Variants in CACNA2D1 observed in about 807,000 individuals in gnomAD.
CACNA2D1 encodes the protein calcium voltage-gated channel auxiliary subunit alpha2delta 1.
A neutral mutation model predicts 171.5 loss-of-function variants in CACNA2D1; 53 were observed. The ratio of observed to expected loss-of-function variants is 0.31; its 90% CI spans 0.25 to 0.39. The LOEUF (loss-of-function observed/expected upper bound fraction) is 0.39, where lower values mean the gene tolerates loss of function less well. Ranked by LOEUF, CACNA2D1 falls within the 10% of genes least tolerant of loss-of-function variation. The pLI is 1.00. For missense variants in CACNA2D1, 903 were observed against 1,299.8 expected, an observed-to-expected ratio of 0.69 and a Z score of 4.69; for synonymous variants, 442 against 443.1, an observed-to-expected ratio of 1.00 and a Z score of 0.03.
intron 3 of CACNA2D1, among the ~76,000 whole-genome samples, chr7:82,217,638 A>G (rs896777992): frequency 7.6e-6 from 1 of 132,196 alleles, no homozygotes; most frequent in African/African-American, 2.7e-5. Context: ...ACAGTTTCAC[A>G]CACACACACA....
chr7:82,427,419 A>C (rs1454083919), intron 1 of CACNA2D1, among the ~76,000 whole-genome samples: 1 of 152,226 alleles, frequency 6.6e-6, no homozygotes, highest in African/African-American at 2.4e-5. Context: ...ATAGGAGGTG[A>C]GCAATTATGT....
chr7:82,443,748 C>G lies in CACNA2D1; in HGVS notation c.-289G>C, dbSNP rs1047197304. On this transcript the variant is annotated 5_prime_UTR_variant, in exon 1 of 39. Transcript: ENST00000356860. ...GGGCGACTTTGGAAACAGACCTCGG[C>G]GAGCCCGCCGGCGCTCGCGCGCTCT... 4 of 1,197,100 alleles carry G rather than the reference C, an allele frequency of 3.3e-6. No homozygotes were observed. The African/African-American group carries it at 4.7e-5, about 14-fold the overall frequency. The allele number at this position is 1,197,100 out of a possible 1,614,324, so 74.2% of individuals were successfully genotyped here.
At chr7:82,337,083 A>T (rs953714224) in intron 2 of CACNA2D1, among the ~76,000 whole-genome samples, 1 of 152,160 alleles carries the variant, frequency 6.6e-6, no homozygotes, top group African/African-American at 2.4e-5. Context: ...CAAGCATATA[A>T]GTATCTTCTC....
intron 1 of CACNA2D1, among the ~76,000 whole-genome samples, chr7:82,434,548 C>T (rs1404807245): frequency 1.3e-5 from 2 of 152,076 alleles, no homozygotes; most frequent in Admixed American, 1.3e-4. Flanking sequence ...TGAAAGGTCC[C>T]AGTGTGTGTT....
At chr7:82,412,108 A>G (rs1827734832) in intron 1 of CACNA2D1, among the ~76,000 whole-genome samples, 1 of 152,078 alleles carries the variant, frequency 6.6e-6, no homozygotes, top group Non-Finnish European at 1.5e-5. Flanking sequence ...ATATACTTCA[A>G]AACATCAGGT....
At chr7:81,989,839 AAAG>A (rs1797347325) in intron 21 of CACNA2D1, among the ~76,000 whole-genome samples, 2 of 152,210 alleles carry the variant, frequency 1.3e-5, no homozygotes, top group East Asian at 1.9e-4. Context: ...TCTGCTAAAT[AAAG>A]AAGGGCACAA....
intron 1 of CACNA2D1, among the ~76,000 whole-genome samples, chr7:82,361,872 T>C (rs981679222): frequency 2.6e-5 from 4 of 152,184 alleles, no homozygotes; most frequent in African/African-American, 7.2e-5. Flanking sequence ...AATGTCAAGA[T>C]GGTTACTGGA....
chr7:81,967,455 T>G (rs1403424629), intron 30 of CACNA2D1, 141 bp downstream of exon 30: 3 of 649,090 alleles, frequency 4.6e-6, no homozygotes, highest in East Asian at 2.8e-5. Context: ...AAAAAAGCTT[T>G]GAAAAAATAG....
At chr7:82,096,952 T>G (rs551404463) in intron 6 of CACNA2D1, among the ~76,000 whole-genome samples, 3 of 152,136 alleles carry the variant, frequency 2.0e-5, no homozygotes, top group Admixed American at 1.3e-4. Context: ...AAATCAAATT[T>G]TGCTTTGCAT....
intron 11 of CACNA2D1, among the ~76,000 whole-genome samples, chr7:82,037,420 A>G (rs1045223929): frequency 2.0e-5 from 3 of 152,276 alleles, no homozygotes; most frequent in African/African-American, 7.2e-5. Flanking sequence ...CGGAGGTTGC[A>G]ACGAGCCAAG....
intron 6 of CACNA2D1, among the ~76,000 whole-genome samples, chr7:82,107,950 T>C (rs1021056288): frequency 5.3e-5 from 8 of 152,184 alleles, no homozygotes; most frequent in Non-Finnish European, 1.0e-4. Context: ...TAGATCATTT[T>C]GTTATTTTGA....
intron 4 of CACNA2D1, among the ~76,000 whole-genome samples, chr7:82,138,292 G>T (rs1349374259): frequency 1.3e-5 from 2 of 151,986 alleles, no homozygotes; most frequent in Non-Finnish European, 2.9e-5. Flanking sequence ...AATAGAGACT[G>T]AAACCCATGA....
intron 3 of CACNA2D1, among the ~76,000 whole-genome samples, chr7:82,287,924 G>A (rs964810265): frequency 2.0e-5 from 3 of 151,372 alleles, no homozygotes; most frequent in African/African-American, 2.4e-5. Flanking sequence ...TCCGCCTCCC[G>A]GGTTTACACC....
intron 2 of CACNA2D1, among the ~76,000 whole-genome samples, chr7:82,344,697 A>T (rs1819047899): frequency 6.6e-6 from 1 of 152,164 alleles, no homozygotes; most frequent in Admixed American, 6.6e-5. Flanking sequence ...CTGCAGTCAA[A>T]ATAGATTTCT....
intron 3 of CACNA2D1, among the ~76,000 whole-genome samples, chr7:82,213,812 G>A (rs1800814696): frequency 6.6e-6 from 1 of 151,982 alleles, no homozygotes; most frequent in African/African-American, 2.4e-5. Context: ...ACACTGTTCT[G>A]TGTACCTGGA....
chr7:82,398,022 A>C (rs191596638), intron 1 of CACNA2D1, among the ~76,000 whole-genome samples: 1 of 152,332 alleles, frequency 6.6e-6, no homozygotes, highest in Admixed American at 6.5e-5. Flanking sequence ...AGATGAAGAG[A>C]GTGGCTAAGA....
chr7:82,005,263 G>A, intron 18 of CACNA2D1, 160 bp downstream of exon 18: 1 of 620,924 alleles, frequency 1.6e-6, no homozygotes. Context: ...CTTTCATATA[G>A]TATCATGTGT....
rs1186719410 is a variant in CACNA2D1, at chr7:82,277,745, C to CTTTTTT, written c.294+57389_294+57390insAAAAAA. Reference sequence around the variant, plus strand: ...GCATATTTGATTTTTTAATTTTTTACTTTTATTTTTTTTTTTTTGAGATGG... The same window carrying CTTTTTT: ...GCATATTTGATTTTTTAATTTTTTACTTTTTTTTTTATTTTTTTTTTTTTGAGATGG... On this transcript the variant is annotated intron_variant, in intron 3 of 38. Transcript: ENST00000356860. 7.7e-4 allele frequency among the ~76,000 whole-genome samples: 109 copies of CTTTTTT among 142,130 alleles called. 5 individuals carry two copies. The highest frequency in any genetic ancestry group is 3.7e-3 in the Middle Eastern group (1 of 272). The allele number at this position is 142,130 out of a possible 152,430, so 93.2% of individuals were successfully genotyped here. A position where few individuals can be genotyped will look rare whatever the true frequency, so the allele number is the denominator to read the frequency against.
chr7:81,994,583 A>AAATATGTAT (rs1584329844), intron 20 of CACNA2D1, among the ~76,000 whole-genome samples: 1 of 152,198 alleles, frequency 6.6e-6, no homozygotes, highest in East Asian at 1.9e-4. Context: ...ATTTCTCATA[A>AAATATGTAT]AATATGTATG....
Sources: allele counts gnomAD v4.1 joint callset (sites outside exome capture counted in the v4.1 genomes callset), GRCh38; gene constraint gnomAD v4.1.1; transcripts MANE v1.5; gene names NCBI Gene and HGNC (gene_info 2026-07-23, HGNC 2026-07-21).